The following EDN3 variants were observed in gnomAD, a reference collection of about 807,000 sequenced individuals.
EDN3 encodes endothelin 3, also known as endothelin-3.
In EDN3, 9 loss-of-function variants were observed where a neutral mutation model predicts 21.4. That is an observed-to-expected ratio of 0.42 (90% confidence interval 0.25 to 0.73). The LOEUF is 0.73. Among genes scored for constraint, EDN3 ranks in the 30% least tolerant of loss-of-function variants. EDN3 has a pLI of 0.26. For missense variants in EDN3, 327 were observed against 309.4 expected, an observed-to-expected ratio of 1.06 and a Z score of -0.43; for synonymous variants, 133 against 126.2, an observed-to-expected ratio of 1.05 and a Z score of -0.36.
intron 2 of EDN3, among the ~76,000 whole-genome samples, chr20:59,310,790 C>T (rs1338836651): frequency 1.4e-5 from 2 of 147,442 alleles, no homozygotes; most frequent in African/African-American, 2.5e-5. Context: ...ACATGACTGG[C>T]CCGCTGGTGG....
chr20:59,308,267 A>G (rs544822397), intron 2 of EDN3, among the ~76,000 whole-genome samples: 1 of 152,000 alleles, frequency 6.6e-6, no homozygotes, highest in East Asian at 1.9e-4. Context: ...CTGGTGCAGG[A>G]TTTTTCTTTT....
chr20:59,302,518 C>T (rs1027982949), intron 2 of EDN3, among the ~76,000 whole-genome samples: 5 of 152,080 alleles, frequency 3.3e-5, no homozygotes, highest in Non-Finnish European at 7.4e-5. Context: ...TTGATGACTC[C>T]CAGTGTTCAG....
At chr20:59,317,585 GT>G (rs1990261675) in intron 2 of EDN3, among the ~76,000 whole-genome samples, 1 of 152,188 alleles carries the variant, frequency 6.6e-6, no homozygotes, top group African/African-American at 2.4e-5. Context: ...GCACATACCT[GT>G]ACCTACTGGC....
chr20:59,324,368 ACCT>A lies in EDN3; in HGVS notation c.629_631del (p.Leu210del), dbSNP rs761573030. ...GACCAACAAAGCAAGCAGGCTTTAG[ACCT>A]CCACCATCCAAAGCTCATGCCCGGC... On this transcript the variant is annotated inframe_deletion, in exon 5 of 5. Transcript: ENST00000337938. The A allele has an allele frequency of 6.2e-7, 1 of 1,613,958 alleles. No individual in the cohort carries two copies. Among genetic ancestry groups the A allele is most frequent in the South Asian group, 1.1e-5 (1 of 91,066 alleles).
At chr20:59,317,245 G>A (rs2284803) in intron 2 of EDN3, among the ~76,000 whole-genome samples, 1 of 152,122 alleles carries the variant, frequency 6.6e-6, no homozygotes, top group Non-Finnish European at 1.5e-5. Flanking sequence ...GTAATCTGGC[G>A]TCAGAGCTCG....
At chr20:59,309,395 A>G (rs1273656202) in intron 2 of EDN3, among the ~76,000 whole-genome samples, 1 of 152,150 alleles carries the variant, frequency 6.6e-6, no homozygotes, top group Non-Finnish European at 1.5e-5. Flanking sequence ...CAGTAGCCTC[A>G]CTTCTGACTT....
rs1990528414 is a variant in EDN3 at position 59,321,279 on chromosome 20, G to A, written c.542+86G>A. 10 of 1,463,436 alleles carry A rather than the reference G, an allele frequency of 6.8e-6. No homozygotes were observed. The East Asian group carries it at 1.8e-4, about 27-fold the overall frequency. 90.7% of individuals were successfully genotyped at this position (1,463,436 alleles called of 1,614,324 possible). On this transcript the variant is annotated intron_variant, in intron 3 of 4. Transcript: ENST00000337938. ...GGCCAGGGGCTTCTCAAAGGAGGGT[G>A]TAGGATAGTTCAGTCACATCCTGAC... is the stretch of plus-strand genomic sequence containing the variant.
chr20:59,323,120 C>T (rs761037907), intron 4 of EDN3, among the ~76,000 whole-genome samples: 4 of 152,048 alleles, frequency 2.6e-5, no homozygotes, highest in Non-Finnish European at 5.9e-5. Flanking sequence ...AGAGACTGAT[C>T]GAGGGAAGAT....
At chr20:59,318,855 G>A (rs6100411) in intron 2 of EDN3, among the ~76,000 whole-genome samples, 11 of 152,200 alleles carry the variant, frequency 7.2e-5, no homozygotes, top group African/African-American at 2.7e-4. Context: ...CAAAATTGCA[G>A]GTCTCACTAT....
intron 2 of EDN3, among the ~76,000 whole-genome samples, chr20:59,316,910 G>T (rs1280799985): frequency 6.6e-6 from 1 of 152,172 alleles, no homozygotes; most frequent in Non-Finnish European, 1.5e-5. Flanking sequence ...AGGATATTTG[G>T]ATTAATCTTC....
chr20:59,306,595 TAAAAAAAA>T (rs57144708), intron 2 of EDN3, among the ~76,000 whole-genome samples: 127 of 62,442 alleles, frequency 2.0e-3, no homozygotes, highest in Middle Eastern at 7.8e-3. Flanking sequence ...GCATAAAGAG[TAAAAAAAA>T]AAAAAAAAAA....
chr20:59,310,703 G>A (rs918596158), intron 2 of EDN3, among the ~76,000 whole-genome samples: 2 of 152,100 alleles, frequency 1.3e-5, no homozygotes, highest in Non-Finnish European at 2.9e-5. Flanking sequence ...CTGGTCCCTG[G>A]CCCAGTAATT....
Position 59,322,404 on chromosome 20 carries a change from A to G in EDN3, c.575A>G (p.Glu192Gly). 6.2e-7 allele frequency: 1 copy of G among 1,614,204 alleles called. No individual in the cohort carries two copies. Among genetic ancestry groups the G allele is most frequent in the Non-Finnish European group, 8.5e-7 (1 of 1,180,042 alleles). Residue 192 changes from glutamate to glycine, a missense_variant, in exon 4 of 5, where the codon GAA becomes GGA. Coordinates refer to ENST00000337938, the MANE Select transcript of EDN3 (RefSeq NM_207034.3). This position sits in a 1 kb window ranked among gnomAD's most constrained non-coding sequence, Gnocchi z 4.1. Reference sequence around the variant, plus strand: ...AGGACGGCAGAAAAAACAGACAAAGAAGAGGAAGGGAAGGTGAGAGGTGCC... The same window carrying G: ...AGGACGGCAGAAAAAACAGACAAAGGAGAGGAAGGGAAGGTGAGAGGTGCC... ...NSRTAEKTDK[E>G]EEGKVEVKDQ...
intron 2 of EDN3, among the ~76,000 whole-genome samples, chr20:59,311,435 T>C (rs1046584274): frequency 1.3e-5 from 2 of 152,220 alleles, no homozygotes; most frequent in Non-Finnish European, 2.9e-5. Context: ...GATCCTATGC[T>C]AAACAAGGGG....
intron 4 of EDN3, chr20:59,323,518 T>C (rs901755859): frequency 2.5e-6 from 1 of 398,002 alleles, no homozygotes; most frequent in Non-Finnish European, 4.4e-6. Context: ...ATCTCTTTTA[T>C]AGAGCTTAAC....
chr20:59,303,616 C>T (rs742650), intron 2 of EDN3, among the ~76,000 whole-genome samples: 5,756 of 152,248 alleles, frequency 0.038, 191 homozygotes, highest in East Asian at 0.15. Flanking sequence ...GTTTACCAAA[C>T]CCCGGAGCAC....
At chr20:59,303,380 A>G (rs1989180732) in intron 2 of EDN3, among the ~76,000 whole-genome samples, 1 of 152,198 alleles carries the variant, frequency 6.6e-6, no homozygotes, top group East Asian at 1.9e-4. Flanking sequence ...GCACCTTGGC[A>G]CTGCCCTTTC....
intron 2 of EDN3, among the ~76,000 whole-genome samples, chr20:59,317,753 G>A (rs539116810): frequency 1.3e-5 from 2 of 152,192 alleles, no homozygotes; most frequent in African/African-American, 2.4e-5. Context: ...AGTGATTTTT[G>A]TGGTTATTGA....
intron 2 of EDN3, among the ~76,000 whole-genome samples, chr20:59,308,111 T>C (rs1371218988): frequency 6.6e-6 from 1 of 152,128 alleles, no homozygotes; most frequent in African/African-American, 2.4e-5. Context: ...CCAGAGCCCT[T>C]GGTGGTTTCT....
Sources: gnomAD v4.1 joint callset for allele counts (sites outside exome capture counted in the v4.1 genomes callset) on GRCh38, gnomAD v4.1.1 for gene constraint, Gnocchi (gnomAD v3.1) non-coding constraint, MANE v1.5 for transcripts, NCBI Gene and HGNC (gene_info 2026-07-23, HGNC 2026-07-21) for gene names.